Variants in SMYD3 observed in about 807,000 individuals in gnomAD.
SMYD3 encodes SET and MYND domain containing 3.
Under a neutral mutation model 57.7 loss-of-function variants are expected in SMYD3, and 36 were observed. The observed-to-expected ratio is 0.62, with a 90% CI of 0.48 to 0.82. SMYD3 has a LOEUF of 0.82. Among genes scored for constraint, SMYD3 ranks in the 40% least tolerant of loss-of-function variants. SMYD3 has a pLI of 0.00. For missense variants in SMYD3, 515 were observed against 538.8 expected (o/e 0.96, Z 0.44); for synonymous variants, 211 against 195.0 (o/e 1.08, Z -0.68).
intron 5 of SMYD3, among the ~76,000 whole-genome samples, chr1:246,062,257 TAA>T (rs2060267610): frequency 6.6e-6 from 1 of 152,140 alleles, no homozygotes; most frequent in Non-Finnish European, 1.5e-5. Context: ...CCCGAGATCA[TAA>T]AGAGGTTAGT....
chr1:246,474,996 C>T (rs2068009490), intron 1 of SMYD3, among the ~76,000 whole-genome samples: 1 of 152,146 alleles, frequency 6.6e-6, no homozygotes, highest in Non-Finnish European at 1.5e-5. Flanking sequence ...CCAACTACAA[C>T]CTCACAGTGA....
intron 5 of SMYD3, among the ~76,000 whole-genome samples, chr1:246,267,870 C>T (rs1558363244): frequency 6.6e-6 from 1 of 152,126 alleles, no homozygotes. Flanking sequence ...ATTTCTATTC[C>T]CAAAGTCTAG....
intron 10 of SMYD3, among the ~76,000 whole-genome samples, chr1:245,828,788 C>T (rs12411183): frequency 0.13 from 19,099 of 151,432 alleles, 1,365 homozygotes; most frequent in Admixed American, 0.2. Context: ...CTGCAACCTC[C>T]GCTTCCCGGG....
chr1:246,201,841 T>C (rs1386469165), intron 5 of SMYD3, among the ~76,000 whole-genome samples: 3 of 152,056 alleles, frequency 2.0e-5, no homozygotes, highest in African/African-American at 7.2e-5. Context: ...GGAGAAACCC[T>C]GTCTCTACTA....
At chr1:246,064,793 C>T (rs1418544777) in intron 5 of SMYD3, among the ~76,000 whole-genome samples, 2 of 152,208 alleles carry the variant, frequency 1.3e-5, no homozygotes, top group African/African-American at 2.4e-5. Flanking sequence ...TGAACTTAGA[C>T]GATTTTGGCA....
intron 10 of SMYD3, among the ~76,000 whole-genome samples, chr1:245,804,797 G>A (rs993634474): frequency 1.3e-4 from 20 of 152,168 alleles, no homozygotes; most frequent in East Asian, 3.9e-4. Context: ...AAGTTGGAGC[G>A]AGCAGCCCTC....
At chr1:246,467,631 C>T (rs1037211752) in intron 1 of SMYD3, among the ~76,000 whole-genome samples, 2 of 152,244 alleles carry the variant, frequency 1.3e-5, no homozygotes, top group African/African-American at 4.8e-5. Context: ...AAAAGTCTCC[C>T]ATCAAAGCAA....
chr1:246,227,467 TA>T (rs2063345521), intron 5 of SMYD3, among the ~76,000 whole-genome samples: 1 of 151,994 alleles, frequency 6.6e-6, no homozygotes, highest in Non-Finnish European at 1.5e-5. Flanking sequence ...TACAAAAAAT[TA>T]ACCGGGTGTG....
intron 10 of SMYD3, among the ~76,000 whole-genome samples, chr1:245,791,967 T>TGTGTGTGTGTGC (rs1572345582): frequency 6.6e-6 from 1 of 151,924 alleles, no homozygotes; most frequent in East Asian, 1.9e-4. Flanking sequence ...TGTGTGTGTG[T>TGTGTGTGTGTGC]GTGTGTGTGT....
At position 246,395,688 on chromosome 1, in the gene SMYD3, C is replaced by CCCACCACAGTCAGACAGGGAAGAG. The variant is rs1558442910; in HGVS notation, c.165-40595_165-40594insCTCTTCCCTGTCTGACTGTGGTGG. ...ACCCACCACAGTCAGACAGGGAAGA[C>CCCACCACAGTCAGACAGGGAAGAG]GAACCCACCATGGCTGGACAGGGAA... is the stretch of plus-strand genomic sequence containing the variant. On this transcript the variant is annotated intron_variant, in intron 1 of 11. Transcript: ENST00000490107. 2.6e-4 allele frequency among the ~76,000 whole-genome samples: 18 copies of CCCACCACAGTCAGACAGGGAAGAG among 70,350 alleles called. 1 individual carries two copies. Among genetic ancestry groups the CCCACCACAGTCAGACAGGGAAGAG allele is most frequent in the African/African-American group, 6.1e-4 (10 of 16,406 alleles). 46.2% of individuals were successfully genotyped at this position (70,350 alleles called of 152,430 possible). A position where few individuals can be genotyped will look rare whatever the true frequency, so the allele number is the denominator to read the frequency against.
intron 1 of SMYD3, among the ~76,000 whole-genome samples, chr1:246,448,376 A>G (rs1047521863): frequency 6.6e-6 from 1 of 152,170 alleles, no homozygotes; most frequent in Admixed American, 6.5e-5. Context: ...CCTTTCCAAA[A>G]GTCAACTGTC....
intron 5 of SMYD3, among the ~76,000 whole-genome samples, chr1:246,291,107 T>C (rs2064680955): frequency 1.3e-5 from 2 of 152,234 alleles, no homozygotes; most frequent in African/African-American, 4.8e-5. Flanking sequence ...AACATTGGTA[T>C]TTCCATAACC....
intron 7 of SMYD3, among the ~76,000 whole-genome samples, chr1:245,915,936 T>C (rs544029989): frequency 2.6e-5 from 4 of 152,304 alleles, no homozygotes; most frequent in African/African-American, 9.6e-5. Context: ...CAGGAAAATA[T>C]CAAAAACTGT....
chr1:246,309,864 CAAAAGAA>C lies in SMYD3; in HGVS notation c.531+17330_531+17336del, dbSNP rs552253426. Among the ~76,000 whole-genome samples, 256 of 151,980 alleles carry C rather than the reference CAAAAGAA, an allele frequency of 1.7e-3. 1 individual carries two copies. Among genetic ancestry groups the C allele is most frequent in the African/African-American group, 5.7e-3 (238 of 41,460 alleles). On this transcript the variant is annotated intron_variant, in intron 5 of 11. Coordinates refer to ENST00000490107, the MANE Select transcript of SMYD3 (RefSeq NM_001167740.2). ...CCATTTAAAAAATGATTTGTCTCTGCAAAAGAAAAAAGAAAAAGATTTAACTGACTGC... is the reference window on the plus strand; with the variant it reads ...CCATTTAAAAAATGATTTGTCTCTGCAAAAGAAAAAGATTTAACTGACTGC...
chr1:245,797,228 G>A (rs540247996), intron 10 of SMYD3, among the ~76,000 whole-genome samples: 17 of 152,076 alleles, frequency 1.1e-4, no homozygotes, highest in African/African-American at 1.7e-4. Context: ...ACATGCACAC[G>A]TATGTTTATT....
At chr1:246,061,231 A>G (rs1285316356) in intron 5 of SMYD3, among the ~76,000 whole-genome samples, 1 of 152,166 alleles carries the variant, frequency 6.6e-6, no homozygotes, top group East Asian at 1.9e-4. Flanking sequence ...ACACGCACAC[A>G]CACAAAAAAG....
intron 5 of SMYD3, among the ~76,000 whole-genome samples, chr1:246,228,084 C>G (rs556911886): frequency 4.6e-5 from 7 of 151,560 alleles, no homozygotes; most frequent in African/African-American, 1.7e-4. Flanking sequence ...ATTCTCCTGC[C>G]TCAGTCTCCC....
intron 5 of SMYD3, among the ~76,000 whole-genome samples, chr1:246,122,802 G>C (rs1310210210): frequency 6.6e-5 from 10 of 152,160 alleles, no homozygotes; most frequent in Admixed American, 5.9e-4. Context: ...ACATGCCCCT[G>C]CTCTCCGGGA....
chr1:246,027,221 C>T (rs756210487), intron 5 of SMYD3, among the ~76,000 whole-genome samples: 2 of 152,118 alleles, frequency 1.3e-5, no homozygotes, highest in Non-Finnish European at 2.9e-5. Flanking sequence ...AAGCCATCTC[C>T]GTAACTTAAA....
Sources: gnomAD v4.1 joint callset for allele counts (sites outside exome capture counted in the v4.1 genomes callset) on GRCh38, gnomAD v4.1.1 for gene constraint, MANE v1.5 for transcripts, NCBI Gene and HGNC (gene_info 2026-07-23, HGNC 2026-07-21) for gene names.